TESC: variants seen among roughly 807,000 people sequenced by gnomAD.
TESC encodes tescalcin.
A neutral mutation model predicts 31.0 loss-of-function variants in TESC; 19 were observed. The observed-to-expected ratio is 0.61, with a 90% CI of 0.43 to 0.90. The LOEUF is 0.90. Ranked by LOEUF, TESC falls within the 40% of genes least tolerant of loss-of-function variation. The probability of loss-of-function intolerance (pLI) is 0.00; values close to 1 mark genes in which losing one functional copy is unlikely to be tolerated. For synonymous variants in TESC, 109 were observed against 114.8 expected (o/e 0.95, Z 0.32); for missense variants, 248 against 303.8 (o/e 0.82, Z 1.36).
intron 1 of TESC, among the ~76,000 whole-genome samples, chr12:117,095,700 C>T (rs1955383846): frequency 6.6e-6 from 1 of 152,006 alleles, no homozygotes; most frequent in South Asian, 2.1e-4. Flanking sequence ...ATCAACATGG[C>T]AAGACCCCTG....
intron 1 of TESC, among the ~76,000 whole-genome samples, chr12:117,080,473 A>G (rs1238609165): frequency 6.6e-6 from 1 of 152,160 alleles, no homozygotes; most frequent in African/African-American, 2.4e-5. Flanking sequence ...ACATGCACAC[A>G]CGTGCAAATT....
intron 2 of TESC, among the ~76,000 whole-genome samples, chr12:117,062,608 T>C (rs972277849): frequency 6.4e-4 from 97 of 150,808 alleles, no homozygotes; most frequent in African/African-American, 2.3e-3. Context: ...ACCCAGGCAG[T>C]GGCATGGTGG....
chr12:117,064,943 T>A (rs1406696867), intron 2 of TESC, among the ~76,000 whole-genome samples: 1 of 152,060 alleles, frequency 6.6e-6, no homozygotes, highest in Non-Finnish European at 1.5e-5. Context: ...AAAACCCTGC[T>A]CTAGGGGAAA....
rs913793879 is a variant in TESC, at chr12:117,048,589, G to A, written c.349+430C>T. On this transcript the variant is annotated intron_variant, in intron 4 of 7. Coordinates refer to ENST00000335209, the MANE Select transcript of TESC (RefSeq NM_017899.4). ...TAGCACAGCCCATGGAGGAGGGAGA[G>A]GAGGAAACTGACTTTAGGGAGCGCT... 5.4e-5 allele frequency: 22 copies of A among 408,810 alleles called. 1 individual carries two copies. Among genetic ancestry groups the A allele is most frequent in the Non-Finnish European group, 8.9e-5 (18 of 202,506 alleles). The allele number at this position is 408,810 out of a possible 1,614,324, so 25.3% of individuals were successfully genotyped here. A position where few individuals can be genotyped will look rare whatever the true frequency, so the allele number is the denominator to read the frequency against.
chr12:117,096,238 C>T (rs566086980), intron 1 of TESC, among the ~76,000 whole-genome samples: 1 of 152,104 alleles, frequency 6.6e-6, no homozygotes, highest in East Asian at 1.9e-4. Context: ...CTCAGGGAGG[C>T]GGGGGAGTCA....
chr12:117,050,520 A>G (rs1432699620), intron 3 of TESC, among the ~76,000 whole-genome samples: 2 of 152,224 alleles, frequency 1.3e-5, no homozygotes, highest in Non-Finnish European at 2.9e-5. Context: ...GAGGCAAGAA[A>G]GGGCTGGTGT....
At chr12:117,062,561 T>TC (rs1231721151) in intron 2 of TESC, among the ~76,000 whole-genome samples, 1 of 152,158 alleles carries the variant, frequency 6.6e-6, no homozygotes, top group Middle Eastern at 3.2e-3. Flanking sequence ...GGCAGAGAGA[T>TC]GAAGCCACTT....
intron 1 of TESC, among the ~76,000 whole-genome samples, chr12:117,075,968 TATGTATATATATATATA>T (rs1459822505): frequency 7.9e-6 from 1 of 126,210 alleles, no homozygotes; most frequent in Non-Finnish European, 1.6e-5. Context: ...TATATATATG[TATGTATATATATATATA>T]TTTTTTTTTT....
At chr12:117,056,758 C>G (rs1954730626) in intron 3 of TESC, 48 bp downstream of exon 3, 2 of 1,585,564 alleles carry the variant, frequency 1.3e-6, no homozygotes, top group Non-Finnish European at 1.7e-6. Context: ...AGATGTTACA[C>G]AAGACAAGGG....
intron 2 of TESC, among the ~76,000 whole-genome samples, chr12:117,071,187 A>G (rs1329389852): frequency 6.6e-6 from 1 of 152,214 alleles, no homozygotes; most frequent in Non-Finnish European, 1.5e-5. Flanking sequence ...TCTGCTAGTC[A>G]TTACATTCAC....
rs1955058969 is a variant in TESC, at chr12:117,075,899, A to ATATATATATGTGTGTG, written c.59-560_59-559insCACACACATATATATA. ...TGTATATATATATATATATATATAT[A>ATATATATATGTGTGTG]TATATATATATATATGTGTGTGTGT... On this transcript the variant is annotated intron_variant, in intron 1 of 7. Transcript: ENST00000335209. 2.7e-5 allele frequency among the ~76,000 whole-genome samples: 2 copies of ATATATATATGTGTGTG among 73,220 alleles called. 1 individual carries two copies. Among genetic ancestry groups the ATATATATATGTGTGTG allele is most frequent in the African/African-American group, 1.6e-4 (2 of 12,238 alleles). 48.0% of individuals were successfully genotyped at this position (73,220 alleles called of 152,430 possible).
chr12:117,095,430 A>G (rs1955378634), intron 1 of TESC, among the ~76,000 whole-genome samples: 1 of 152,212 alleles, frequency 6.6e-6, no homozygotes, highest in Non-Finnish European at 1.5e-5. Context: ...ACCTGATTGT[A>G]CACATCAAAT....
In TESC at chr12:117,039,170, C is replaced by T. The variant is rs1199135761; in HGVS notation, c.608G>A (p.Arg203His). 3 of 1,614,064 alleles carry T rather than the reference C, an allele frequency of 1.9e-6. No individual in the cohort carries two copies. Among genetic ancestry groups the T allele is most frequent in the East Asian group, 2.2e-5 (1 of 44,868 alleles). The change falls in exon 8 of 8, where the codon CGC becomes CAC. Residue 203 changes from arginine (R) to histidine (H), a missense_variant. Transcript: ENST00000335209. ...GGCCATGGTTTCCATGTTAAGGAAG[C>T]GGACGTGCATCTTGGTCTCAATGTC... ...GIDIETKMHV[R>H]FLNMETMALC...
At chr12:117,094,353 G>A (rs1336049561) in intron 1 of TESC, among the ~76,000 whole-genome samples, 7 of 152,148 alleles carry the variant, frequency 4.6e-5, no homozygotes, top group Non-Finnish European at 1.0e-4. Flanking sequence ...GTTGGCAGCC[G>A]AGGACAGCTG....
chr12:117,039,096 T>C lies in TESC; in HGVS notation c.*37A>G, dbSNP rs1333753086. 5 of 1,609,504 alleles carry C rather than the reference T, an allele frequency of 3.1e-6. No homozygotes were observed. Among genetic ancestry groups the C allele is most frequent in the Admixed American group, 1.7e-5 (1 of 59,560 alleles). On this transcript the variant is annotated 3_prime_UTR_variant, in exon 8 of 8. Transcript: ENST00000335209. Reference sequence around the variant, plus strand: ...CCAGCTACGCGGGGAGGCGGCCCCATTGCAAAGTGCAGTTTCTCCGCGGAG... The same window carrying C: ...CCAGCTACGCGGGGAGGCGGCCCCACTGCAAAGTGCAGTTTCTCCGCGGAG...
intron 2 of TESC, among the ~76,000 whole-genome samples, chr12:117,067,575 C>T (rs1202988200): frequency 6.6e-6 from 1 of 152,074 alleles, no homozygotes; most frequent in Non-Finnish European, 1.5e-5. Flanking sequence ...TTGCTCCCAT[C>T]CCCTCAAAAA....
At chr12:117,097,551 A>C (rs1955411912) in intron 1 of TESC, among the ~76,000 whole-genome samples, 1 of 152,242 alleles carries the variant, frequency 6.6e-6, no homozygotes, top group Non-Finnish European at 1.5e-5. Context: ...GAGAGGGCAC[A>C]TGAGAAATAA....
Position 117,087,008 on chromosome 12 carries a change from G to C in TESC, c.59-11668C>G, listed in dbSNP as rs570163670. Among the ~76,000 whole-genome samples, 7 of 152,292 alleles carry C rather than the reference G, an allele frequency of 4.6e-5. No homozygotes were observed. In the South Asian group the frequency reaches 1.4e-3, roughly 32 times the overall value. ...TGGGCCTTGGGAGGGAGGCAGGGAG[G>C]GACAGCCTCCTTAGCCTTGCAGGGG... On this transcript the variant is annotated intron_variant, in intron 1 of 7. Coordinates refer to ENST00000335209, the MANE Select transcript of TESC (RefSeq NM_017899.4).
At chr12:117,046,752 G>A in intron 5 of TESC, 25 bp downstream of exon 5, 2 of 1,557,204 alleles carry the variant, frequency 1.3e-6, no homozygotes, top group Non-Finnish European at 1.7e-6. Flanking sequence ...AGGAGCCCCG[G>A]GCGGGCCAGA....
Sources: gnomAD v4.1 joint callset for allele counts (sites outside exome capture counted in the v4.1 genomes callset) on GRCh38, gnomAD v4.1.1 for gene constraint, MANE v1.5 for transcripts, NCBI Gene and HGNC (gene_info 2026-07-23, HGNC 2026-07-21) for gene names.